Variants in CARD14 observed in about 807,000 individuals in gnomAD.
The protein encoded by CARD14 is caspase recruitment domain-containing protein 14.
Under a neutral mutation model 111.5 loss-of-function variants are expected in CARD14, and 107 were observed. That is an observed-to-expected ratio of 0.96 (90% CI 0.82 to 1.13). CARD14 has a LOEUF of 1.13. Among genes scored for constraint, CARD14 ranks in the 50% most tolerant of loss-of-function variants. CARD14 has a pLI of 0.00. For missense variants in CARD14, 1,322 were observed against 1,362.3 expected (o/e 0.97, Z 0.47); for synonymous variants, 617 against 579.6 (o/e 1.06, Z -0.93).
At chr17:80,205,243 C>T (rs762420131) in intron 21 of CARD14, 38 bp downstream of exon 21, 1 of 1,550,834 alleles carries the variant, frequency 6.4e-7, no homozygotes, top group Admixed American at 1.8e-5. Context: ...CCCCTTCCAC[C>T]TTCCCTCCCT....
At chr17:80,194,043 C>A (rs2040622972) in intron 12 of CARD14, among the ~76,000 whole-genome samples, 1 of 152,130 alleles carries the variant, frequency 6.6e-6, no homozygotes, top group Non-Finnish European at 1.5e-5. Context: ...TCCTCCTGCC[C>A]CGGCTTTCTA....
chr17:80,195,467 C>A lies in CARD14; in HGVS notation c.1500-91C>A. The A allele has an allele frequency of 1.3e-6, 2 of 1,501,572 alleles. No individual in the cohort carries two copies. The highest frequency in any genetic ancestry group is 9.0e-7 in the Non-Finnish European group (1 of 1,114,104). 93.0% of individuals were successfully genotyped at this position (1,501,572 alleles called of 1,614,324 possible). On this transcript the variant is annotated intron_variant, in intron 13 of 23. Transcript: ENST00000648509. The surrounding 1 kb of genome is among the most constrained non-coding windows in gnomAD (Gnocchi z 4.7). The stretch of plus-strand genomic sequence containing the variant: ...AGCTCCTGCCCTCGAAGCCCCAGAG[C>A]TGGCAGGTGCTGGGGGCCAGTGCTT...
chr17:80,188,600 C>G lies in CARD14; in HGVS notation c.843+56C>G, dbSNP rs1338111902. The G allele has an allele frequency of 7.2e-7, 1 of 1,396,330 alleles. No homozygotes were observed. The highest frequency in any genetic ancestry group is 2.7e-5 in the East Asian group (1 of 36,554). 86.5% of individuals were successfully genotyped at this position (1,396,330 alleles called of 1,614,324 possible). ...CCTCCTGCCTTGGGGGCTTGGCCCTCAGGCTGTGGGGTTTCTGACAGGTGG... is the reference window on the plus strand; with the variant it reads ...CCTCCTGCCTTGGGGGCTTGGCCCTGAGGCTGTGGGGTTTCTGACAGGTGG... On this transcript the variant is annotated intron_variant, in intron 8 of 23. Transcript: ENST00000648509. This position sits in a 1 kb window ranked among gnomAD's most constrained non-coding sequence, Gnocchi z 4.5.
chr17:80,198,823 C>T lies in CARD14; in HGVS notation c.1851+232C>T. 6.8e-7 allele frequency: 1 copy of T among 1,471,376 alleles called. No homozygotes were observed. The highest frequency in any genetic ancestry group is 1.4e-5 in the South Asian group (1 of 69,044). 91.1% of individuals were successfully genotyped at this position (1,471,376 alleles called of 1,614,324 possible). On this transcript the variant is annotated intron_variant, in intron 16 of 23. Coordinates refer to ENST00000648509, the MANE Select transcript of CARD14 (RefSeq NM_001366385.1). The surrounding 1 kb of genome is among the most constrained non-coding windows in gnomAD (Gnocchi z 7.5). Reference sequence around the variant, plus strand: ...TGCTGCTGCCATGCGGCGCTTCTGACCAGGGGTCTTTGCATGAGGCCCCTT... The same window carrying T: ...TGCTGCTGCCATGCGGCGCTTCTGATCAGGGGTCTTTGCATGAGGCCCCTT...
In CARD14 at chr17:80,189,018, T is replaced by C. The variant is rs1300493550; in HGVS notation, c.843+474T>C. Reference sequence around the variant, plus strand: ...GGGAGCTGAGATCACGCCACTGCACTCCAGCCTGGCGACAGAGGGAGACCC... The same window carrying C: ...GGGAGCTGAGATCACGCCACTGCACCCCAGCCTGGCGACAGAGGGAGACCC... On this transcript the variant is annotated intron_variant, in intron 8 of 23. Coordinates refer to ENST00000648509, the MANE Select transcript of CARD14 (RefSeq NM_001366385.1). This position sits in a 1 kb window ranked among gnomAD's most constrained non-coding sequence, Gnocchi z 4.7. Among the ~76,000 whole-genome samples, 1 of 152,110 alleles carries C rather than the reference T, an allele frequency of 6.6e-6. No individual in the cohort carries two copies. The highest frequency in any genetic ancestry group is 6.5e-5 in the Admixed American group (1 of 15,276).
In CARD14 at chr17:80,208,249, C is replaced by T. The variant is rs144285237; in HGVS notation, c.2919C>T (p.Asp973=). 1.2e-4 allele frequency: 186 copies of T among 1,581,556 alleles called. No individual in the cohort carries two copies. Among genetic ancestry groups the T allele is most frequent in the Non-Finnish European group, 1.5e-4 (173 of 1,164,940 alleles). The change falls in exon 24 of 24, where the codon GAC becomes GAT. Residue 973 remains aspartate, a synonymous_variant. Coordinates refer to ENST00000648509, the MANE Select transcript of CARD14 (RefSeq NM_001366385.1). ...APCLYSSLAP[D]GWSDLDGLLS... ...GTCTATACAGCAGCCTGGCTCCTGA[C>T]GGCTGGAGCGACCTGGACGGCCTGC...
chr17:80,191,181 A>C (rs1368984493), intron 10 of CARD14, 142 bp from the exon 11 acceptor site: 1 of 1,093,456 alleles, frequency 9.1e-7, no homozygotes, highest in South Asian at 1.5e-5. Context: ...ACGAATTGAA[A>C]TGAATCTTAA....
rs190213582 is a variant in CARD14, at chr17:80,184,119, G to A, written c.556G>A (p.Ala186Thr). Reference sequence around the variant, plus strand: ...CAGCCGCATGAAGCGTGAGGTTAGCGCACACTTCCATGAGGTGCTGAGGCT... The same window carrying A: ...CAGCCGCATGAAGCGTGAGGTTAGCACACACTTCCATGAGGTGCTGAGGCT... ...DHSRMKREVSAHFHEVLRLKD... is the reference protein window; with the variant it reads ...DHSRMKREVSTHFHEVLRLKD... The change falls in exon 7 of 24, where the codon GCA (alanine) becomes ACA (threonine). Residue 186 changes from alanine (A) to threonine (T), a missense_variant. By Grantham distance (58) the Ala-to-Thr change is moderately conservative (BLOSUM62 0). Coordinates refer to ENST00000648509, the MANE Select transcript of CARD14 (RefSeq NM_001366385.1). The A allele has an allele frequency of 2.4e-5, 38 of 1,574,854 alleles. No individual in the cohort carries two copies. In the Admixed American group the frequency reaches 3.0e-4, roughly 12 times the overall value.
rs575494155 is a variant in CARD14, at chr17:80,208,298, G to A, written c.2968G>A (p.Ala990Thr). 1.0e-4 allele frequency: 166 copies of A among 1,604,366 alleles called. No individual in the cohort carries two copies. Among genetic ancestry groups the A allele is most frequent in the Admixed American group, 2.6e-4 (15 of 58,584 alleles). Residue 990 changes from alanine to threonine, a missense_variant, in exon 24 of 24, where the codon GCC becomes ACC. Coordinates refer to ENST00000648509, the MANE Select transcript of CARD14 (RefSeq NM_001366385.1). ...GLLSCVRQAI[A>T]DEQKKVVWTE... ...GCTCAGCTGTGTCCGCCAGGCCATC[G>A]CCGACGAGCAGAAGAAGGTGGTGTG... is the stretch of plus-strand genomic sequence containing the variant.
chr17:80,177,896 G>C (rs2040064009), intron 2 of CARD14, among the ~76,000 whole-genome samples: 1 of 152,044 alleles, frequency 6.6e-6, no homozygotes, highest in South Asian at 2.1e-4. Context: ...CCACCCTAAT[G>C]ACCTCAACTT....
intron 2 of CARD14, among the ~76,000 whole-genome samples, chr17:80,177,891 C>G (rs1165272886): frequency 2.6e-5 from 4 of 152,142 alleles, no homozygotes; most frequent in Non-Finnish European, 5.9e-5. Context: ...AGGGCCCACC[C>G]TAATGACCTC....
intron 23 of CARD14, 122 bp downstream of exon 23, chr17:80,207,207 C>T (rs754846178): frequency 2.4e-5 from 15 of 636,916 alleles, no homozygotes; most frequent in Non-Finnish European, 3.7e-5. Context: ...GCTGACAGGG[C>T]CGTTTCCGCA....
Position 80,208,223 on chromosome 17 carries a change from T to C in CARD14, c.2893T>C (p.Cys965Arg), listed in dbSNP as rs1159429082. The C allele has an allele frequency of 1.0e-5, 16 of 1,566,522 alleles. No homozygotes were observed. The highest frequency in any genetic ancestry group is 1.3e-5 in the Non-Finnish European group (15 of 1,155,602). ...QEEGDLDRAP[C>R]LYSSLAPDGW... is the part of the protein sequence containing the mutation. Reference sequence around the variant, plus strand: ...GGAGGGAGACCTGGACCGGGCGCCCTGTCTATACAGCAGCCTGGCTCCTGA... The same window carrying C: ...GGAGGGAGACCTGGACCGGGCGCCCCGTCTATACAGCAGCCTGGCTCCTGA... The change falls in exon 24 of 24, where the codon TGT (cysteine) becomes CGT (arginine). Residue 965 changes from cysteine to arginine, a missense_variant. By Grantham distance (180) the Cys-to-Arg change is radical. Coordinates refer to ENST00000648509, the MANE Select transcript of CARD14 (RefSeq NM_001366385.1).
At position 80,208,399 on chromosome 17, in the gene CARD14, G is replaced by C. The variant is rs2041474017; in HGVS notation, c.*54G>C. ...GGGCTTCTGTGTGCCTGTTAATGCA[G>C]TCCTGTTCCTCAGCCCAGGCCCTCT... On this transcript the variant is annotated 3_prime_UTR_variant, in exon 24 of 24. Coordinates refer to ENST00000648509, the MANE Select transcript of CARD14 (RefSeq NM_001366385.1). 2 of 1,456,422 alleles carry C rather than the reference G, an allele frequency of 1.4e-6. No individual in the cohort carries two copies. The highest frequency in any genetic ancestry group is 3.8e-4 in the Middle Eastern group (2 of 5,306). 90.2% of individuals were successfully genotyped at this position (1,456,422 alleles called of 1,614,324 possible).
chr17:80,195,332 A>C lies in CARD14; in HGVS notation c.1498A>C (p.Ser500Arg). 1 of 1,610,072 alleles carries C rather than the reference A, an allele frequency of 6.2e-7. No individual in the cohort carries two copies. Among genetic ancestry groups the C allele is most frequent in the Non-Finnish European group, 8.5e-7 (1 of 1,177,714 alleles). Residue 500 changes from serine (S) to arginine (R), a missense_variant and splice_region_variant, in exon 13 of 24, where the codon AGC becomes CGC. Coordinates refer to ENST00000648509, the MANE Select transcript of CARD14 (RefSeq NM_001366385.1). The surrounding 1 kb of genome is among the most constrained non-coding windows in gnomAD (Gnocchi z 4.7). ...EDFGEEPWSF[S>R]SCLEIPEGDP... ...CTTCGGGGAAGAACCCTGGTCTTTC[A>C]GGTAGAGCACTGGGGTCCTTCCTGG...
chr17:80,193,425 C>CCAGACATGAGTT (rs1402293170), intron 12 of CARD14, among the ~76,000 whole-genome samples: 1 of 151,778 alleles, frequency 6.6e-6, no homozygotes, highest in Non-Finnish European at 1.5e-5. Flanking sequence ...CACATGGTCC[C>CCAGACATGAGTT]TGGGATGCCG....
intron 9 of CARD14, among the ~76,000 whole-genome samples, chr17:80,190,139 G>A (rs558316481): frequency 4.9e-4 from 75 of 152,288 alleles, no homozygotes; most frequent in South Asian, 2.9e-3. Flanking sequence ...CAGGGACTTA[G>A]GTGAGGAGGG....
chr17:80,189,646 G>A lies in CARD14; in HGVS notation c.844-107G>A, dbSNP rs990522804. On this transcript the variant is annotated intron_variant, in intron 8 of 23. Coordinates refer to ENST00000648509, the MANE Select transcript of CARD14 (RefSeq NM_001366385.1). This position sits in a 1 kb window ranked among gnomAD's most constrained non-coding sequence, Gnocchi z 4.7. Reference sequence around the variant, plus strand: ...GGTGTAGAGTGGCAAGACTGCATCCGTCCACACACCTGACCGTGCAGTTGC... The same window carrying A: ...GGTGTAGAGTGGCAAGACTGCATCCATCCACACACCTGACCGTGCAGTTGC... 10 of 1,326,620 alleles carry A rather than the reference G, an allele frequency of 7.5e-6. No individual in the cohort carries two copies. The highest frequency in any genetic ancestry group is 3.6e-5 in the Admixed American group (1 of 27,730). 82.2% of individuals were successfully genotyped at this position (1,326,620 alleles called of 1,614,324 possible).
intron 16 of CARD14, among the ~76,000 whole-genome samples, chr17:80,199,306 G>A (rs1011061011): frequency 5.9e-5 from 9 of 151,560 alleles, no homozygotes; most frequent in South Asian, 4.2e-4. Context: ...TGGCCAACAC[G>A]GCGAAACCCC....
Sources: allele counts gnomAD v4.1 joint callset (sites outside exome capture counted in the v4.1 genomes callset), GRCh38; gene constraint gnomAD v4.1.1; non-coding constraint Gnocchi (gnomAD v3.1); transcripts MANE v1.5; gene names NCBI Gene and HGNC (gene_info 2026-07-23, HGNC 2026-07-21).